The following SORCS3 variants were observed in gnomAD, a reference collection of about 807,000 sequenced individuals.
SORCS3 encodes VPS10 domain-containing receptor SorCS3.
SORCS3 carries 57 observed loss-of-function variants against 146.3 expected under a neutral mutation model. The ratio of observed to expected loss-of-function variants is 0.39; its 90% CI spans 0.31 to 0.49. The LOEUF (loss-of-function observed/expected upper bound fraction) is 0.49, where lower values mean the gene tolerates loss of function less well. SORCS3 is among the 20% of genes least tolerant of loss of function. The pLI, the probability that SORCS3 is intolerant of heterozygous loss-of-function variation, is 0.92. For missense variants in SORCS3, 1,341 were observed against 1,575.5 expected (o/e 0.85, Z 2.52); for synonymous variants, 653 against 618.5 (o/e 1.06, Z -0.83).
intron 4 of SORCS3, among the ~76,000 whole-genome samples, chr10:105,022,983 CT>C (rs2055206810): frequency 6.6e-6 from 1 of 152,086 alleles, no homozygotes; most frequent in African/African-American, 2.4e-5. Context: ...GCAGAGGGTA[CT>C]TCAAGGGTGG....
chr10:105,016,151 A>ATT (rs1198872555), intron 4 of SORCS3, among the ~76,000 whole-genome samples: 12 of 104,552 alleles, frequency 1.1e-4, no homozygotes, highest in African/African-American at 5.0e-4. Flanking sequence ...ATATATATAT[A>ATT]TATATTTTTT....
intron 7 of SORCS3, among the ~76,000 whole-genome samples, chr10:105,126,901 T>C (rs2055979148): frequency 6.6e-6 from 1 of 152,184 alleles, no homozygotes. Flanking sequence ...TACCATGGCA[T>C]TATTACTGGC....
chr10:104,768,985 T>G (rs1352344395), intron 1 of SORCS3, among the ~76,000 whole-genome samples: 1 of 152,176 alleles, frequency 6.6e-6, no homozygotes, highest in Non-Finnish European at 1.5e-5. Flanking sequence ...TCCAGCACCC[T>G]CTCTGCAGAA....
chr10:105,089,889 C>T, intron 6 of SORCS3, 50 bp downstream of exon 6: 3 of 1,439,210 alleles, frequency 2.1e-6, no homozygotes, highest in Non-Finnish European at 2.9e-6. Context: ...GCCTGCAGGT[C>T]TCTGTCCTCC....
chr10:105,079,739 G>A (rs571885323), intron 5 of SORCS3, among the ~76,000 whole-genome samples: 74 of 152,120 alleles, frequency 4.9e-4, no homozygotes, highest in Middle Eastern at 3.4e-3. Flanking sequence ...CCACCCTCTG[G>A]TAGGCCCCAG....
At chr10:105,217,382 G>A (rs187506085) in intron 19 of SORCS3, among the ~76,000 whole-genome samples, 4 of 152,264 alleles carry the variant, frequency 2.6e-5, no homozygotes, top group East Asian at 3.9e-4. Flanking sequence ...AAATGTGTGC[G>A]TGCACACACA....
rs114998336 is a variant in SORCS3 at position 105,128,141 on chromosome 10, C to T, written c.1213-11256C>T. Among the ~76,000 whole-genome samples, 468 of 152,252 alleles carry T rather than the reference C, an allele frequency of 3.1e-3. 3 individuals are homozygous for T. The highest frequency in any genetic ancestry group is 0.011 in the African/African-American group (450 of 41,556). The stretch of plus-strand genomic sequence containing the variant: ...TCATTGTGTGCAAGAGCAGGCAGTG[C>T]ATATTACATGGTAAGCATAGAGCCT... On this transcript the variant is annotated intron_variant, in intron 7 of 26. Coordinates refer to ENST00000369701, the MANE Select transcript of SORCS3 (RefSeq NM_014978.3).
intron 25 of SORCS3, among the ~76,000 whole-genome samples, chr10:105,260,322 A>G (rs2056953341): frequency 6.6e-6 from 1 of 152,240 alleles, no homozygotes; most frequent in East Asian, 1.9e-4. Context: ...GGTTGATCCC[A>G]ACCTTCATGA....
At chr10:105,209,276 G>A (rs572891865) in intron 16 of SORCS3, among the ~76,000 whole-genome samples, 2 of 152,156 alleles carry the variant, frequency 1.3e-5, no homozygotes, top group African/African-American at 4.8e-5. Flanking sequence ...AAGTAGCTGG[G>A]ATTACAAGCT....
At chr10:104,701,739 A>T (rs747521488) in intron 1 of SORCS3, among the ~76,000 whole-genome samples, 36 of 152,192 alleles carry the variant, frequency 2.4e-4, no homozygotes, top group Non-Finnish European at 4.3e-4. Context: ...TCAAGAGTTC[A>T]GGCAAGAGTA....
At chr10:104,822,755 A>T (rs2017888946) in intron 1 of SORCS3, among the ~76,000 whole-genome samples, 1 of 152,146 alleles carries the variant, frequency 6.6e-6, no homozygotes, top group African/African-American at 2.4e-5. Flanking sequence ...ATTTATCAGC[A>T]CTTTCCTGCT....
intron 1 of SORCS3, among the ~76,000 whole-genome samples, chr10:104,817,480 C>T (rs1458536638): frequency 2.2e-5 from 2 of 92,200 alleles, no homozygotes; most frequent in African/African-American, 8.7e-5. Context: ...TTCCTCCTCT[C>T]CTTCTCCCTC....
intron 1 of SORCS3, among the ~76,000 whole-genome samples, chr10:104,742,511 G>T (rs77600074): frequency 1.3e-5 from 2 of 152,154 alleles, no homozygotes; most frequent in African/African-American, 4.8e-5. Flanking sequence ...AGTAGGTAGT[G>T]GCCACACTCA....
chr10:105,180,862 C>T (rs1337527648), intron 14 of SORCS3, among the ~76,000 whole-genome samples: 1 of 152,176 alleles, frequency 6.6e-6, no homozygotes, highest in Non-Finnish European at 1.5e-5. Flanking sequence ...TTCTCATAGC[C>T]TGCCAGATCA....
intron 14 of SORCS3, among the ~76,000 whole-genome samples, chr10:105,182,791 G>T (rs2119572475): frequency 6.6e-6 from 1 of 152,084 alleles, no homozygotes; most frequent in Non-Finnish European, 1.5e-5. Context: ...GACCTCCCAG[G>T]CTCAGGGGTC....
intron 3 of SORCS3, among the ~76,000 whole-genome samples, chr10:104,949,409 A>T (rs1443332029): frequency 6.6e-6 from 1 of 152,098 alleles, no homozygotes; most frequent in East Asian, 1.9e-4. Flanking sequence ...GAACTGAATT[A>T]TTTTTTCCCA....
chr10:104,909,191 G>A (rs1217154004), intron 2 of SORCS3, among the ~76,000 whole-genome samples: 1 of 152,110 alleles, frequency 6.6e-6, no homozygotes, highest in Non-Finnish European at 1.5e-5. Flanking sequence ...GAGTTGAGTA[G>A]TTGTGGCGGA....
At chr10:105,151,643 G>T (rs894656912) in intron 9 of SORCS3, among the ~76,000 whole-genome samples, 178 of 152,140 alleles carry the variant, frequency 1.2e-3, no homozygotes, top group African/African-American at 4.1e-3. Flanking sequence ...AAGAAAGCAA[G>T]AACTTATTTG....
intron 2 of SORCS3, among the ~76,000 whole-genome samples, chr10:104,892,095 G>A (rs1194089750): frequency 6.6e-6 from 1 of 152,158 alleles, no homozygotes. Flanking sequence ...TTATACTGCT[G>A]GAAGTTGTAA....
Sources: allele counts gnomAD v4.1 joint callset (sites outside exome capture counted in the v4.1 genomes callset), GRCh38; gene constraint gnomAD v4.1.1; transcripts MANE v1.5; gene names NCBI Gene and HGNC (gene_info 2026-07-23, HGNC 2026-07-21).